The following RBFOX1 variants were observed in gnomAD, a reference collection of about 807,000 sequenced individuals.
The protein encoded by RBFOX1 is RNA binding protein fox-1 homolog 1.
A neutral mutation model predicts 57.7 loss-of-function variants in RBFOX1; 8 were observed. The observed-to-expected ratio is 0.14, with a 90% CI of 0.08 to 0.25. The LOEUF is 0.25. RBFOX1 is among the 10% of genes least tolerant of loss of function. The pLI, the probability that RBFOX1 is intolerant of heterozygous loss-of-function variation, is 1.00. For missense variants in RBFOX1, 611 were observed against 548.5 expected, an observed-to-expected ratio of 1.11 and a Z score of -1.14; for synonymous variants, 326 against 222.4, an observed-to-expected ratio of 1.47 and a Z score of -4.15.
intron 3 of RBFOX1, among the ~76,000 whole-genome samples, chr16:5,668,314 A>G (rs1183656698): frequency 6.6e-6 from 1 of 152,152 alleles, no homozygotes; most frequent in African/African-American, 2.4e-5. Context: ...AAAAAAAAAG[A>G]ATTGCTAAAA....
intron 2 of RBFOX1, among the ~76,000 whole-genome samples, chr16:6,486,011 A>C (rs1468680829): frequency 1.4e-5 from 1 of 71,158 alleles, no homozygotes; most frequent in Non-Finnish European, 2.7e-5. Context: ...CCAGCTAATT[A>C]TTTTTCTTTT....
chr16:7,429,944 A>C (rs1346585746), intron 4 of RBFOX1, among the ~76,000 whole-genome samples: 2 of 152,188 alleles, frequency 1.3e-5, no homozygotes, highest in African/African-American at 4.8e-5. Context: ...GACTTGTGAC[A>C]GTGTTGCATT....
rs187915216 is a variant in RBFOX1, at chr16:5,350,054, C to T, written c.219+109949C>T. ...TTGGCTTTAATAGAACTGGCGCTTG[C>T]GTGAGAGGAAATGAAAGCCTGGGGT... On this transcript the variant is annotated intron_variant, in intron 1 of 2. Transcript: ENST00000585867. Among the ~76,000 whole-genome samples the T allele has an allele frequency of 1.2e-4, 18 of 152,292 alleles. No homozygotes were observed. In the East Asian group the frequency reaches 1.9e-3, roughly 16 times the overall value.
chr16:7,506,610 C>A lies in RBFOX1; in HGVS notation c.28-11537C>A, dbSNP rs1260483255. ...ATCATCATCATCATCATCATCACCACCACCACCATCTTTGCTTTTATCTTC... is the reference window on the plus strand; with the variant it reads ...ATCATCATCATCATCATCATCACCAACACCACCATCTTTGCTTTTATCTTC... On this transcript the variant is annotated intron_variant, in intron 4 of 15. Transcript: ENST00000550418. Among the ~76,000 whole-genome samples, 8 of 152,222 alleles carry A rather than the reference C, an allele frequency of 5.3e-5. No individual in the cohort carries two copies. In the East Asian group the frequency reaches 1.4e-3, roughly 26 times the overall value.
At chr16:7,370,047 A>G (rs984750863) in intron 4 of RBFOX1, among the ~76,000 whole-genome samples, 6 of 152,178 alleles carry the variant, frequency 3.9e-5, no homozygotes, top group East Asian at 1.9e-4. Context: ...CCTTGAGACT[A>G]TTGACATTTT....
At chr16:6,747,920 G>A (rs778235510) in intron 3 of RBFOX1, among the ~76,000 whole-genome samples, 5 of 152,070 alleles carry the variant, frequency 3.3e-5, no homozygotes, top group Admixed American at 6.6e-5. Flanking sequence ...AGCACAACAC[G>A]CTATCAACTT....
intron 14 of RBFOX1, among the ~76,000 whole-genome samples, chr16:7,681,626 G>T (rs1226009287): frequency 6.6e-6 from 1 of 152,098 alleles, no homozygotes; most frequent in African/African-American, 2.4e-5. Flanking sequence ...TGAGCATCCT[G>T]AATAGAAAAT....
chr16:7,553,669 A>G (rs1363699224), intron 5 of RBFOX1, among the ~76,000 whole-genome samples: 1 of 152,236 alleles, frequency 6.6e-6, no homozygotes, highest in East Asian at 1.9e-4. Context: ...GCTCAGCATT[A>G]CCAAGATGCA....
At chr16:6,768,399 A>G (rs898885117) in intron 3 of RBFOX1, among the ~76,000 whole-genome samples, 17 of 152,080 alleles carry the variant, frequency 1.1e-4, no homozygotes, top group African/African-American at 3.6e-4. Context: ...AAATACAAAT[A>G]TAATTGCTCC....
chr16:7,610,373 GTTTA>G lies in RBFOX1; in HGVS notation c.676+3043_676+3046del, dbSNP rs1373685103. Among the ~76,000 whole-genome samples, 5 of 150,998 alleles carry G rather than the reference GTTTA, an allele frequency of 3.3e-5. No homozygotes were observed. In the East Asian group the frequency reaches 7.8e-4, roughly 24 times the overall value. ...TGACCTCAAGTGATGCGCCCAGCCT[GTTTA>G]TTTATTTTTTTTTTTAATATTAAAG... On this transcript the variant is annotated intron_variant, in intron 10 of 15. Transcript: ENST00000550418.
At chr16:5,353,393 CT>C (rs1175733562) in intron 1 of RBFOX1, among the ~76,000 whole-genome samples, 2 of 150,154 alleles carry the variant, frequency 1.3e-5, no homozygotes, top group African/African-American at 4.9e-5. Context: ...AAAAAGACTT[CT>C]TTGCTATGGA....
intron 3 of RBFOX1, among the ~76,000 whole-genome samples, chr16:5,859,830 T>G (rs896787886): frequency 2.0e-5 from 3 of 152,258 alleles, no homozygotes; most frequent in Non-Finnish European, 4.4e-5. Flanking sequence ...AGTAACCGTT[T>G]ATTATACCTC....
At chr16:7,631,048 G>C (rs779547713) in intron 11 of RBFOX1, among the ~76,000 whole-genome samples, 1 of 152,208 alleles carries the variant, frequency 6.6e-6, no homozygotes, top group African/African-American at 2.4e-5. Context: ...CCCTTGCCTA[G>C]TAAAAGATGC....
At chr16:6,391,526 A>T (rs1022669317) in intron 2 of RBFOX1, among the ~76,000 whole-genome samples, 1 of 148,194 alleles carries the variant, frequency 6.7e-6, no homozygotes, top group Non-Finnish European at 1.5e-5. Flanking sequence ...AAAAAAAAAG[A>T]AAAAAAAGTA....
intron 3 of RBFOX1, among the ~76,000 whole-genome samples, chr16:7,028,677 C>T (rs954037371): frequency 6.7e-6 from 1 of 149,218 alleles, no homozygotes; most frequent in Non-Finnish European, 1.5e-5. Context: ...TGAAATGTTC[C>T]CAAAGGATAT....
intron 3 of RBFOX1, among the ~76,000 whole-genome samples, chr16:6,802,541 GTGGTGCACACC>G (rs1444415486): frequency 1.3e-5 from 2 of 152,130 alleles, no homozygotes; most frequent in Non-Finnish European, 2.9e-5. Context: ...CTCGGGCATG[GTGGTGCACACC>G]TGTAATCCCA....
At chr16:6,625,351 C>T (rs2098290231) in intron 2 of RBFOX1, among the ~76,000 whole-genome samples, 1 of 152,032 alleles carries the variant, frequency 6.6e-6, no homozygotes, top group Admixed American at 6.6e-5. Context: ...TCCTGTAACT[C>T]TGGGTTTGAG....
intron 2 of RBFOX1, among the ~76,000 whole-genome samples, chr16:6,444,763 G>T (rs2094451938): frequency 6.6e-6 from 1 of 152,162 alleles, no homozygotes; most frequent in African/African-American, 2.4e-5. Context: ...AGAAAGAAAG[G>T]TATAGGGAGG....
At chr16:5,289,030 CA>C (rs1357388417) in intron 1 of RBFOX1, among the ~76,000 whole-genome samples, 3 of 152,166 alleles carry the variant, frequency 2.0e-5, no homozygotes, top group African/African-American at 7.2e-5. Context: ...GAGGCTGAGG[CA>C]GGGGAATCGC....
Sources: allele counts gnomAD v4.1 joint callset (sites outside exome capture counted in the v4.1 genomes callset), GRCh38; gene constraint gnomAD v4.1.1; transcripts MANE v1.5; gene names NCBI Gene and HGNC (gene_info 2026-07-23, HGNC 2026-07-21).